Variants in TAF1 observed in about 807,000 individuals in gnomAD.
TAF1 encodes TATA-box binding protein associated factor 1, also known as transcription initiation factor TFIID subunit 1.
In TAF1, 2 loss-of-function variants were observed where a neutral mutation model predicts 138.5. The ratio of observed to expected loss-of-function variants is 0.01; its 90% CI spans 0.01 to 0.05. The LOEUF is 0.05. Ranked by LOEUF, TAF1 falls within the 10% of genes least tolerant of loss-of-function variation. The pLI, the probability that TAF1 is intolerant of heterozygous loss-of-function variation, is 1.00. For synonymous variants in TAF1, 437 were observed against 503.2 expected (o/e 0.87, Z 1.76); for missense variants, 709 against 1,478.0 (o/e 0.48, Z 8.53).
chrX:71,401,843 G>C, intron 25 of TAF1, 104 bp downstream of exon 25: 3 of 763,421 alleles, frequency 3.9e-6, no homozygotes, highest in South Asian at 5.1e-5. Context: ...AAGTGGAACT[G>C]AAGGAACAGG....
At chrX:71,370,507 C>T (rs906827568) in intron 3 of TAF1, among the ~76,000 whole-genome samples, 4 of 111,316 alleles carry the variant, frequency 3.6e-5, no homozygotes, top group African/African-American at 6.5e-5. Flanking sequence ...CCACCACTCC[C>T]GGCTAATTTT....
chrX:71,405,745 G>A (rs1016599914), intron 25 of TAF1, among the ~76,000 whole-genome samples: 8 of 112,104 alleles, frequency 7.1e-5, no homozygotes, highest in African/African-American at 2.6e-4. Flanking sequence ...GGTGGCTCAT[G>A]CCTATAATCC....
chrX:71,390,808 C>T (rs924549844), intron 18 of TAF1, among the ~76,000 whole-genome samples: 7 of 111,387 alleles, frequency 6.3e-5, no homozygotes, highest in African/African-American at 2.0e-4. Flanking sequence ...CCAGCCTGGC[C>T]AACATGGTGA....
chrX:71,377,849 G>A (rs746793274), intron 6 of TAF1, 28 bp downstream of exon 6: 2 of 1,155,065 alleles, frequency 1.7e-6, no homozygotes, highest in Non-Finnish European at 1.2e-6. Context: ...CTGAGATTAA[G>A]GCCTATGAGA....
At chrX:71,395,870 A>G (rs763269795) in intron 22 of TAF1, among the ~76,000 whole-genome samples, 1 of 110,896 alleles carries the variant, frequency 9.0e-6, no homozygotes, top group African/African-American at 3.3e-5. Context: ...TAGAACCTAC[A>G]TTTGCAGCCG....
intron 13 of TAF1, among the ~76,000 whole-genome samples, chrX:71,489,337 G>T (rs1416922097): frequency 9.0e-6 from 1 of 110,693 alleles, no homozygotes; most frequent in Non-Finnish European, 1.9e-5. Flanking sequence ...AGAGGGGGCT[G>T]AAATGGAATA....
Position 71,401,522 on chromosome X carries a change from T to G in TAF1, c.3787-6T>G, listed in dbSNP as rs2035177759. 1.7e-6 allele frequency: 2 copies of G among 1,209,939 alleles called. No individual in the cohort carries two copies. The highest frequency in any genetic ancestry group is 3.5e-5 in the African/African-American group (2 of 57,189). Reference sequence around the variant, plus strand: ...TCTGACGTGTTTGATACTTTTCCTTTTGCAGCTGAAATGTGGGGCATGTGG... The same window carrying G: ...TCTGACGTGTTTGATACTTTTCCTTGTGCAGCTGAAATGTGGGGCATGTGG... On this transcript the variant is annotated splice_polypyrimidine_tract_variant and splice_region_variant and intron_variant, in intron 24 of 37. Coordinates refer to ENST00000423759, the MANE Select transcript of TAF1 (RefSeq NM_004606.5).
At chrX:71,485,659 G>T (rs746112973) in intron 13 of TAF1, among the ~76,000 whole-genome samples, 23 of 112,209 alleles carry the variant, frequency 2.0e-4, no homozygotes, top group Non-Finnish European at 3.8e-4. Flanking sequence ...TTGGAGAAGT[G>T]TCTGTTCAAA....
chrX:71,481,006 C>T (rs761156422), intron 13 of TAF1, among the ~76,000 whole-genome samples: 5 of 112,243 alleles, frequency 4.5e-5, no homozygotes, highest in East Asian at 2.8e-4. Context: ...GGGCTGGGCG[C>T]GGTGGCTCAC....
chrX:71,376,880 G>A, intron 4 of TAF1, 70 bp from the exon 5 acceptor site: 1 of 1,177,382 alleles, frequency 8.5e-7, no homozygotes, highest in Non-Finnish European at 1.1e-6. Flanking sequence ...AGCCTAAAGT[G>A]GGTGTTTGCG....
intron 13 of TAF1, among the ~76,000 whole-genome samples, chrX:71,505,226 C>G (rs2039601468): frequency 9.0e-6 from 1 of 111,325 alleles, no homozygotes; most frequent in African/African-American, 3.3e-5. Flanking sequence ...ATAGACAAAT[C>G]TTTAATGCAG....
At chrX:71,377,963 C>G in intron 6 of TAF1, 142 bp downstream of exon 6, 2 of 793,589 alleles carry the variant, frequency 2.5e-6, no homozygotes, top group Non-Finnish European at 3.5e-6. Context: ...ATCATGGGTT[C>G]AATCTCAGTG....
intron 13 of TAF1, among the ~76,000 whole-genome samples, chrX:71,504,250 A>G (rs1233865995): frequency 2.7e-5 from 3 of 109,803 alleles, no homozygotes; most frequent in African/African-American, 9.9e-5. Flanking sequence ...ATCTCTTCAT[A>G]TATATCTTCT....
At chrX:71,385,083 A>G (rs746791992) in intron 14 of TAF1, 34 bp downstream of exon 14, 1 of 1,064,360 alleles carries the variant, frequency 9.4e-7, no homozygotes, top group South Asian at 2.0e-5. Context: ...ACTGTTAACT[A>G]AGGAAATTGA....
intron 3 of TAF1, among the ~76,000 whole-genome samples, chrX:71,369,969 A>G (rs1379751160): frequency 9.1e-6 from 1 of 110,112 alleles, no homozygotes; most frequent in African/African-American, 3.3e-5. Context: ...TCAGGCCTGT[A>G]AACCCAGCAC....
intron 15 of TAF1, 127 bp downstream of exon 15, chrX:71,387,588 C>T (rs759293116): frequency 1.5e-4 from 115 of 775,203 alleles, no homozygotes; most frequent in Non-Finnish European, 2.0e-4. Flanking sequence ...CACTTGAGGT[C>T]AGGAGTTCGA....
intron 13 of TAF1, among the ~76,000 whole-genome samples, chrX:71,483,740 A>ATCTCTCTCTCTC (rs1167670247): frequency 1.9e-4 from 12 of 62,391 alleles, no homozygotes; most frequent in African/African-American, 6.0e-4. Flanking sequence ...TATTGTGAAC[A>ATCTCTCTCTCTC]TCTCTCTCTC....
intron 14 of TAF1, among the ~76,000 whole-genome samples, chrX:71,386,069 G>T (rs2034201586): frequency 9.1e-6 from 1 of 109,324 alleles, no homozygotes; most frequent in South Asian, 4.0e-4. Flanking sequence ...GCCGAGGCAG[G>T]AGAATCACTT....
Position 71,424,414 on chromosome X carries a change from C to CT in TAF1, c.4753+202dup, listed in dbSNP as rs140301261. Among the ~76,000 whole-genome samples the CT allele has an allele frequency of 3.0e-3, 89 of 29,936 alleles. 4 individuals carry two copies. The highest frequency in any genetic ancestry group is 9.3e-3 in the African/African-American group (61 of 6,535). 26.0% of individuals were successfully genotyped at this position (29,936 alleles called of 115,157 possible). On this transcript the variant is annotated intron_variant, in intron 32 of 37. Coordinates refer to ENST00000423759, the MANE Select transcript of TAF1 (RefSeq NM_004606.5). Reference sequence around the variant, plus strand: ...CAGGCACACGCCACCGTGCCAGGCTCTTTTTTTTTTTTTTTTTTTTTTTTT... The same window carrying CT: ...CAGGCACACGCCACCGTGCCAGGCTCTTTTTTTTTTTTTTTTTTTTTTTTTT...
Sources: allele counts gnomAD v4.1 joint callset (sites outside exome capture counted in the v4.1 genomes callset), GRCh38; gene constraint gnomAD v4.1.1; transcripts MANE v1.5; gene names NCBI Gene and HGNC (gene_info 2026-07-23, HGNC 2026-07-21).